KCNIP4: variants seen among roughly 807,000 people sequenced by gnomAD.
The protein encoded by KCNIP4 is Kv channel-interacting protein 4.
Under a neutral mutation model 34.0 loss-of-function variants are expected in KCNIP4, and 12 were observed. The ratio of observed to expected loss-of-function variants is 0.35; its 90% CI spans 0.23 to 0.57. KCNIP4 has a LOEUF of 0.57. Ranked by LOEUF, KCNIP4 falls within the 20% of genes least tolerant of loss-of-function variation. KCNIP4 has a pLI of 0.83. For missense variants in KCNIP4, 238 were observed against 311.7 expected (o/e 0.76, Z 1.78); for synonymous variants, 124 against 102.2 (o/e 1.21, Z -1.29).
At chr4:21,692,923 T>C (rs958056082) in intron 1 of KCNIP4, among the ~76,000 whole-genome samples, 9 of 148,694 alleles carry the variant, frequency 6.1e-5, no homozygotes. Flanking sequence ...TTGTGTGAGA[T>C]GTGTCTGCCC....
At chr4:21,683,632 C>A (rs560105217) in intron 1 of KCNIP4, among the ~76,000 whole-genome samples, 1 of 151,308 alleles carries the variant, frequency 6.6e-6, no homozygotes, top group East Asian at 2.0e-4. Context: ...CCACGCCTGG[C>A]TAATTTTTTG....
intron 3 of KCNIP4, among the ~76,000 whole-genome samples, chr4:20,825,436 C>T (rs1236045952): frequency 6.6e-6 from 1 of 151,872 alleles, no homozygotes; most frequent in Non-Finnish European, 1.5e-5. Context: ...AACTTGATGG[C>T]TGATTGAATT....
intron 1 of KCNIP4, among the ~76,000 whole-genome samples, chr4:20,943,431 G>T (rs781147439): frequency 6.6e-6 from 1 of 152,136 alleles, no homozygotes; most frequent in Non-Finnish European, 1.5e-5. Flanking sequence ...TTAAGAGCTG[G>T]GTTTCAAATC....
At chr4:20,843,829 G>T (rs1359744531) in intron 3 of KCNIP4, among the ~76,000 whole-genome samples, 2 of 152,200 alleles carry the variant, frequency 1.3e-5, no homozygotes, top group African/African-American at 4.8e-5. Flanking sequence ...AAAAGTAATT[G>T]TGATTTTTGC....
intron 3 of KCNIP4, among the ~76,000 whole-genome samples, chr4:20,801,126 A>C (rs1445104372): frequency 6.6e-6 from 1 of 152,194 alleles, no homozygotes; most frequent in Admixed American, 6.5e-5. Flanking sequence ...CAATTGGATG[A>C]TATATTCAAC....
chr4:21,930,471 A>G (rs1406602101), intron 1 of KCNIP4, among the ~76,000 whole-genome samples: 2 of 152,090 alleles, frequency 1.3e-5, no homozygotes, highest in African/African-American at 2.4e-5. Context: ...TGCAGATTTT[A>G]GTTTAAACTC....
chr4:20,817,398 A>C (rs1716541374), intron 3 of KCNIP4, among the ~76,000 whole-genome samples: 1 of 152,102 alleles, frequency 6.6e-6, no homozygotes, highest in African/African-American at 2.4e-5. Context: ...CCTGTTCTCG[A>C]CTAAAACCCA....
At chr4:20,994,186 C>T (rs1263282872) in intron 1 of KCNIP4, among the ~76,000 whole-genome samples, 4 of 152,080 alleles carry the variant, frequency 2.6e-5, no homozygotes, top group Non-Finnish European at 5.9e-5. Flanking sequence ...TTTCACAATT[C>T]CTGGGTTTAG....
intron 1 of KCNIP4, among the ~76,000 whole-genome samples, chr4:21,798,663 GC>G (rs1720799326): frequency 6.6e-6 from 1 of 151,562 alleles, no homozygotes; most frequent in Non-Finnish European, 1.5e-5. Context: ...AAGCTGTTAA[GC>G]TTTTTGGAGG....
At chr4:21,293,024 G>C (rs898413203) in intron 1 of KCNIP4, among the ~76,000 whole-genome samples, 1 of 152,166 alleles carries the variant, frequency 6.6e-6, no homozygotes, top group Non-Finnish European at 1.5e-5. Context: ...ACAAGCATCA[G>C]GACAAACAGT....
At chr4:20,824,670 C>T (rs1717510794) in intron 3 of KCNIP4, among the ~76,000 whole-genome samples, 1 of 152,032 alleles carries the variant, frequency 6.6e-6, no homozygotes, top group Non-Finnish European at 1.5e-5. Flanking sequence ...CAGAGCGAGA[C>T]TCCATCTCAA....
At chr4:21,805,263 T>C (rs990444279) in intron 1 of KCNIP4, among the ~76,000 whole-genome samples, 3 of 152,214 alleles carry the variant, frequency 2.0e-5, no homozygotes, top group Non-Finnish European at 4.4e-5. Context: ...TTGATATGGT[T>C]GGGCTCTGTG....
chr4:21,176,285 T>A (rs887808264), intron 1 of KCNIP4, among the ~76,000 whole-genome samples: 2 of 152,190 alleles, frequency 1.3e-5, no homozygotes, highest in Admixed American at 6.5e-5. Context: ...CTGGACTAGA[T>A]TCCTGTCTCA....
chr4:21,504,793 A>G (rs954816872), intron 1 of KCNIP4, among the ~76,000 whole-genome samples: 5 of 152,174 alleles, frequency 3.3e-5, no homozygotes, highest in Admixed American at 2.0e-4. Flanking sequence ...TGTAACTGAT[A>G]TTATGTTTTA....
At chr4:20,917,600 G>GA (rs951088338) in intron 1 of KCNIP4, among the ~76,000 whole-genome samples, 2 of 152,142 alleles carry the variant, frequency 1.3e-5, no homozygotes, top group East Asian at 1.9e-4. Context: ...AGATTTTTGA[G>GA]AAAAAATTTT....
At chr4:21,347,039 C>T (rs1301752683) in intron 1 of KCNIP4, among the ~76,000 whole-genome samples, 1 of 152,140 alleles carries the variant, frequency 6.6e-6, no homozygotes, top group Non-Finnish European at 1.5e-5. Flanking sequence ...GTTAGAAACA[C>T]ATGGATTAAA....
At chr4:21,357,932 A>G (rs1718812010) in intron 1 of KCNIP4, among the ~76,000 whole-genome samples, 2 of 152,196 alleles carry the variant, frequency 1.3e-5, no homozygotes, top group African/African-American at 4.8e-5. Context: ...ATGTCCATCA[A>G]TGATAGACTG....
chr4:21,065,720 A>C (rs1744292273), intron 1 of KCNIP4, among the ~76,000 whole-genome samples: 1 of 91,476 alleles, frequency 1.1e-5, no homozygotes, highest in Non-Finnish European at 2.1e-5. Context: ...GATTGGTATC[A>C]TTTGTCTATA....
At chr4:21,556,920 C>CAAAAAAAAAAAAAAAAAAAAAAAAAAA (rs1281543089) in intron 1 of KCNIP4, among the ~76,000 whole-genome samples, 16 of 35,638 alleles carry the variant, frequency 4.5e-4, no homozygotes, top group South Asian at 1.1e-3. Context: ...GACTCCATCT[C>CAAAAAAAAAAAAAAAAAAAAAAAAAAA]AGAAAAAAAA....
Sources: gnomAD v4.1 joint callset for allele counts (sites outside exome capture counted in the v4.1 genomes callset) on GRCh38, gnomAD v4.1.1 for gene constraint, MANE v1.5 for transcripts, NCBI Gene and HGNC (gene_info 2026-07-23, HGNC 2026-07-21) for gene names.